RCAN1: variants seen among roughly 807,000 people sequenced by gnomAD.
RCAN1 encodes calcipressin-1.
In RCAN1, 11 loss-of-function variants were observed where a neutral mutation model predicts 22.9. The observed-to-expected ratio is 0.48, with a 90% CI of 0.30 to 0.79. The LOEUF (loss-of-function observed/expected upper bound fraction) is 0.79, where lower values mean the gene tolerates loss of function less well. RCAN1 is among the 30% of genes least tolerant of loss of function. The pLI is 0.06. For synonymous variants in RCAN1, 136 were observed against 142.3 expected (o/e 0.96, Z 0.32); for missense variants, 291 against 337.8 (o/e 0.86, Z 1.09).
intron 1 of RCAN1, among the ~76,000 whole-genome samples, chr21:34,599,793 G>A (rs1011128722): frequency 5.3e-5 from 8 of 152,122 alleles, no homozygotes; most frequent in Admixed American, 3.3e-4. Context: ...ATCATCTAAC[G>A]AATGTGACAA....
At chr21:34,549,140 C>T (rs1327043532) in intron 1 of RCAN1, among the ~76,000 whole-genome samples, 3 of 152,064 alleles carry the variant, frequency 2.0e-5, no homozygotes, top group Middle Eastern at 3.2e-3. Flanking sequence ...GAAAGACAGG[C>T]GTGTCTCTGG....
In RCAN1 at chr21:34,521,653, T is replaced by C. The variant is rs1984566283; in HGVS notation, c.432A>G (p.Leu144=). ...GAGCCAGGTGTGAGCTTCCTATGTG[T>C]AAGGTCTGAGGAGAGAAAATAAGCA... The part of the protein sequence containing the change: ...KEMKLYFAQT[L]HIGSSHLAPP... Residue 144 remains leucine, a synonymous_variant, in exon 3 of 4, where the codon TTA becomes TTG. Transcript: ENST00000313806. The C allele has an allele frequency of 6.2e-7, 1 of 1,610,296 alleles. No individual in the cohort carries two copies. Among genetic ancestry groups the C allele is most frequent in the Non-Finnish European group, 8.5e-7 (1 of 1,178,018 alleles).
intron 1 of RCAN1, among the ~76,000 whole-genome samples, chr21:34,586,732 C>T (rs1340755105): frequency 6.6e-6 from 1 of 152,158 alleles, no homozygotes; most frequent in African/African-American, 2.4e-5. Flanking sequence ...ATGGGTGGAT[C>T]ACTTAAGATC....
At chr21:34,582,088 T>A (rs1030821583) in intron 1 of RCAN1, among the ~76,000 whole-genome samples, 1 of 152,134 alleles carries the variant, frequency 6.6e-6, no homozygotes, top group South Asian at 2.1e-4. Flanking sequence ...TAAAGAGGGG[T>A]CTATGCTCAT....
In RCAN1 at chr21:34,599,041, G is replaced by A. The variant is rs970840788; in HGVS notation, c.252+15719C>T. Among the ~76,000 whole-genome samples, 4 of 152,254 alleles carry A rather than the reference G, an allele frequency of 2.6e-5. No individual in the cohort carries two copies. In the South Asian group the frequency reaches 6.2e-4, roughly 24 times the overall value. Reference sequence around the variant, plus strand: ...AATGTGGGCAGAGAGGAACTCATGCGATGCTGGGGGTAATACATCAGTATA... The same window carrying A: ...AATGTGGGCAGAGAGGAACTCATGCAATGCTGGGGGTAATACATCAGTATA... On this transcript the variant is annotated intron_variant, in intron 1 of 3. Coordinates refer to ENST00000313806, the MANE Select transcript of RCAN1 (RefSeq NM_004414.7).
intron 1 of RCAN1, among the ~76,000 whole-genome samples, chr21:34,582,133 A>T (rs1015918651): frequency 6.6e-6 from 1 of 152,186 alleles, no homozygotes; most frequent in African/African-American, 2.4e-5. Flanking sequence ...AACCTTTGAC[A>T]CCACGGACTC....
intron 1 of RCAN1, among the ~76,000 whole-genome samples, chr21:34,541,431 C>T (rs1985906824): frequency 6.6e-6 from 1 of 152,238 alleles, no homozygotes; most frequent in South Asian, 2.1e-4. Flanking sequence ...GGCGCTTATA[C>T]TAGTTAGTTA....
At chr21:34,563,946 A>T (rs2123670053) in intron 1 of RCAN1, among the ~76,000 whole-genome samples, 1 of 151,256 alleles carries the variant, frequency 6.6e-6, no homozygotes, top group South Asian at 2.1e-4. Flanking sequence ...AGCGTGGGCG[A>T]CAGAGTGAGA....
At chr21:34,582,446 C>T (rs546239454) in intron 1 of RCAN1, among the ~76,000 whole-genome samples, 8 of 152,100 alleles carry the variant, frequency 5.3e-5, no homozygotes, top group East Asian at 1.9e-4. Context: ...ATCTGGGCAG[C>T]GACCTGGGAG....
At chr21:34,523,188 A>AC (rs1427007544) in intron 2 of RCAN1, 1 of 231,740 alleles carries the variant, frequency 4.3e-6, no homozygotes, top group Non-Finnish European at 8.6e-6. Flanking sequence ...ATGAGCTCCA[A>AC]CCCTTGAGCA....
chr21:34,521,127 C>A, intron 3 of RCAN1: 1 of 1,261,728 alleles, frequency 7.9e-7, no homozygotes. Flanking sequence ...AAGGGGGCAT[C>A]GATTTTCCCT....
intron 1 of RCAN1, among the ~76,000 whole-genome samples, chr21:34,571,306 A>C (rs572426795): frequency 1.3e-5 from 2 of 152,314 alleles, no homozygotes; most frequent in East Asian, 3.9e-4. Flanking sequence ...AAAATAAATA[A>C]ATACATAAAT....
At chr21:34,569,307 A>T (rs974595119) in intron 1 of RCAN1, among the ~76,000 whole-genome samples, 3 of 152,202 alleles carry the variant, frequency 2.0e-5, no homozygotes, top group Non-Finnish European at 4.4e-5. Context: ...CAGAGAGAGA[A>T]TTTTTTTAGA....
chr21:34,521,521 A>G lies in RCAN1; in HGVS notation c.564T>C (p.Tyr188=), dbSNP rs757702682. 2.8e-5 allele frequency: 45 copies of G among 1,614,094 alleles called. No homozygotes were observed. The Admixed American group carries it at 7.5e-4, about 27-fold the overall frequency. The change falls in exon 3 of 4, where the codon TAT becomes TAC. Residue 188 remains tyrosine (Y), a synonymous_variant. Coordinates refer to ENST00000313806, the MANE Select transcript of RCAN1 (RefSeq NM_004414.7). ...ATPVINYDLL[Y]AISKLGPGEK... ...CACCTGGCCCCAGCTTGGAGATGGC[A>G]TATAAGAGATCATAGTTTATGACTG...
chr21:34,563,763 AAAAAAAAATAT>A (rs1159843129), intron 1 of RCAN1, among the ~76,000 whole-genome samples: 1 of 91,628 alleles, frequency 1.1e-5, no homozygotes, highest in African/African-American at 5.5e-5. Flanking sequence ...CCAAAAAAAA[AAAAAAAAATAT>A]ATATATATAT....
chr21:34,524,418 G>C (rs1391147985), intron 1 of RCAN1: 2 of 148,090 alleles, frequency 1.4e-5, no homozygotes, highest in African/African-American at 5.0e-5. Context: ...GCCTTCCCCG[G>C]CTAGCCAACT....
chr21:34,533,396 A>G (rs1327770043), intron 1 of RCAN1, among the ~76,000 whole-genome samples: 1 of 152,194 alleles, frequency 6.6e-6, no homozygotes, highest in Non-Finnish European at 1.5e-5. Flanking sequence ...TTTTAATCAA[A>G]TAAAAGCAAT....
chr21:34,560,310 G>A (rs1986742323), intron 1 of RCAN1: 1 of 152,166 alleles, frequency 6.6e-6, no homozygotes, highest in Non-Finnish European at 1.5e-5. Flanking sequence ...TCGGACAGGT[G>A]GCTAATTCTA....
intron 1 of RCAN1, among the ~76,000 whole-genome samples, chr21:34,595,383 T>C (rs1988112215): frequency 6.6e-6 from 1 of 152,228 alleles, no homozygotes; most frequent in Non-Finnish European, 1.5e-5. Flanking sequence ...CAGCTTTTCC[T>C]TGACCATGAA....
Sources: gnomAD v4.1 joint callset for allele counts (sites outside exome capture counted in the v4.1 genomes callset) on GRCh38, gnomAD v4.1.1 for gene constraint, MANE v1.5 for transcripts, NCBI Gene and HGNC (gene_info 2026-07-23, HGNC 2026-07-21) for gene names.